Variants in APBB2 observed in about 807,000 individuals in gnomAD.
APBB2 encodes amyloid beta precursor protein binding family B member 2, also known as Fe65-like 1.
APBB2 carries 38 observed loss-of-function variants against 82.5 expected under a neutral mutation model. That is an observed-to-expected ratio of 0.46 (90% CI 0.36 to 0.60). APBB2 has a LOEUF of 0.60. Among genes scored for constraint, APBB2 ranks in the 20% least tolerant of loss-of-function variants. APBB2 has a pLI of 0.00. For synonymous variants in APBB2, 341 were observed against 368.2 expected, an observed-to-expected ratio of 0.93 and a Z score of 0.85; for missense variants, 772 against 972.3, an observed-to-expected ratio of 0.79 and a Z score of 2.74.
intron 12 of APBB2, among the ~76,000 whole-genome samples, chr4:40,844,244 C>G (rs1410785613): frequency 6.6e-6 from 1 of 152,222 alleles, no homozygotes; most frequent in Non-Finnish European, 1.5e-5. Context: ...CAGGGCCCCT[C>G]TGTGTGCCAG....
chr4:40,841,341 G>T (rs1292569915), intron 12 of APBB2, among the ~76,000 whole-genome samples: 1 of 152,254 alleles, frequency 6.6e-6, no homozygotes, highest in African/African-American at 2.4e-5. Flanking sequence ...TTCATTCAAG[G>T]AGAATTATCT....
chr4:40,890,608 T>C, intron 11 of APBB2, 117 bp from the exon 12 acceptor site: 1 of 1,375,374 alleles, frequency 7.3e-7, no homozygotes, highest in Middle Eastern at 1.9e-4. Flanking sequence ...CTGGGGTCTG[T>C]AATTTGTCTG....
At chr4:40,956,981 A>C (rs1324841847) in intron 6 of APBB2, among the ~76,000 whole-genome samples, 1 of 152,226 alleles carries the variant, frequency 6.6e-6, no homozygotes, top group Non-Finnish European at 1.5e-5. Flanking sequence ...CTCTGTAGCC[A>C]CACCAACAGC....
At chr4:41,019,594 G>A (rs1428453669) in intron 5 of APBB2, among the ~76,000 whole-genome samples, 1 of 152,170 alleles carries the variant, frequency 6.6e-6, no homozygotes, top group African/African-American at 2.4e-5. Context: ...AGGTGATGAA[G>A]TCGTCGGGCG....
chr4:40,893,909 G>A (rs543521423), intron 10 of APBB2, among the ~76,000 whole-genome samples: 44 of 152,202 alleles, frequency 2.9e-4, no homozygotes, highest in African/African-American at 1.1e-3. Context: ...AGGAGGCGGA[G>A]GTTGCAGTGA....
chr4:40,904,684 C>CT (rs5857754), intron 10 of APBB2, among the ~76,000 whole-genome samples: 14,157 of 133,840 alleles, frequency 0.11, 985 homozygotes, highest in African/African-American at 0.2. Context: ...TTTGTTATTG[C>CT]TTTTTTTTTT....
Position 41,101,189 on chromosome 4 carries a change from G to C in APBB2, c.-260-439C>G, listed in dbSNP as rs575221855. 1.2e-3 allele frequency among the ~76,000 whole-genome samples: 179 copies of C among 152,256 alleles called. 1 individual carries two copies. The highest frequency in any genetic ancestry group is 1.9e-3 in the Non-Finnish European group (131 of 68,024). On this transcript the variant is annotated intron_variant, in intron 2 of 17. Coordinates refer to ENST00000508593, the MANE Select transcript of APBB2 (RefSeq NM_004307.2). ...TTGTAAATAGAAGTGAATCGGCCGG[G>C]CGCGGTGGCTCACGCCTGTAATCCC...
intron 12 of APBB2, among the ~76,000 whole-genome samples, chr4:40,850,286 C>CTAT (rs968328029): frequency 4.6e-5 from 7 of 152,150 alleles, no homozygotes; most frequent in African/African-American, 1.7e-4. Flanking sequence ...TTGTAACACC[C>CTAT]TATTATTATT....
intron 2 of APBB2, among the ~76,000 whole-genome samples, chr4:41,129,845 GAA>G (rs1755475367): frequency 6.6e-6 from 1 of 151,900 alleles, no homozygotes; most frequent in African/African-American, 2.4e-5. Flanking sequence ...ATTCCAGTGA[GAA>G]GAGAGAGACA....
chr4:41,099,233 T>C (rs931173935), intron 3 of APBB2, among the ~76,000 whole-genome samples: 2 of 152,186 alleles, frequency 1.3e-5, no homozygotes, highest in African/African-American at 4.8e-5. Context: ...TATATGGTTT[T>C]TGTGTTTTTT....
intron 5 of APBB2, among the ~76,000 whole-genome samples, chr4:41,028,128 C>G (rs1715214064): frequency 6.6e-6 from 1 of 152,244 alleles, no homozygotes; most frequent in Non-Finnish European, 1.5e-5. Context: ...TCCCCTACAC[C>G]CATTCAATCA....
chr4:40,954,651 A>C (rs1177015709), intron 6 of APBB2, among the ~76,000 whole-genome samples: 1 of 152,128 alleles, frequency 6.6e-6, no homozygotes, highest in Non-Finnish European at 1.5e-5. Context: ...GGCCTAGGAA[A>C]AGAAAAGGTA....
At chr4:41,097,451 C>A (rs1032983) in intron 3 of APBB2, among the ~76,000 whole-genome samples, 5 of 152,244 alleles carry the variant, frequency 3.3e-5, no homozygotes, top group Non-Finnish European at 5.9e-5. Context: ...AAAGCCAGGA[C>A]AGCCCAAAAT....
intron 12 of APBB2, among the ~76,000 whole-genome samples, chr4:40,885,100 G>C (rs923628068): frequency 6.6e-6 from 1 of 152,192 alleles, no homozygotes; most frequent in Non-Finnish European, 1.5e-5. Context: ...CTGAATAAGA[G>C]AGCACTGTTT....
rs78110553 is a variant in APBB2 at position 40,828,964 on chromosome 4, C to T, written c.1644+1499G>A. ...ACTCCTGGCCTGGGTTGGGTCTTGA[C>T]GGCTCAGGAAGAATTGTGGGAGTGA... On this transcript the variant is annotated intron_variant, in intron 13 of 17. Coordinates refer to ENST00000508593, the MANE Select transcript of APBB2 (RefSeq NM_004307.2). Among the ~76,000 whole-genome samples the T allele has an allele frequency of 1.4e-3, 215 of 152,224 alleles. 3 individuals carry two copies. In the East Asian group the frequency reaches 0.02, roughly 14 times the overall value.
chr4:41,205,229 G>C (rs1561034252), intron 1 of APBB2, among the ~76,000 whole-genome samples: 2 of 152,146 alleles, frequency 1.3e-5, no homozygotes, highest in African/African-American at 2.4e-5. Context: ...GGGGTATTTT[G>C]GAAGTAGTAG....
intron 6 of APBB2, among the ~76,000 whole-genome samples, chr4:40,982,387 G>GAAGGAAGGAAGGAAGGGAAAGGAAAGGA (rs1560448982): frequency 9.1e-5 from 1 of 11,008 alleles, no homozygotes; most frequent in African/African-American, 2.6e-4. Context: ...AGGAAGGAAG[G>GAAGGAAGGAAGGAAGGGAAAGGAAAGGA]AAGGAAAGGA....
intron 2 of APBB2, chr4:41,118,198 G>A (rs1342033426): frequency 6.6e-6 from 1 of 152,214 alleles, no homozygotes; most frequent in Non-Finnish European, 1.5e-5. Context: ...GGGTGATGGA[G>A]CAAGATCCTA....
chr4:41,005,849 G>A (rs1296030561), intron 6 of APBB2, among the ~76,000 whole-genome samples: 3 of 152,182 alleles, frequency 2.0e-5, no homozygotes, highest in Non-Finnish European at 4.4e-5. Flanking sequence ...CTCCATCACT[G>A]AAAATCTATT....
Sources: allele counts gnomAD v4.1 joint callset (sites outside exome capture counted in the v4.1 genomes callset), GRCh38; gene constraint gnomAD v4.1.1; transcripts MANE v1.5; gene names NCBI Gene and HGNC (gene_info 2026-07-23, HGNC 2026-07-21).